The following CDH18 variants were observed in gnomAD, a reference collection of about 807,000 sequenced individuals.
The protein encoded by CDH18 is cadherin 18.
A neutral mutation model predicts 67.9 loss-of-function variants in CDH18; 31 were observed. That is an observed-to-expected ratio of 0.46 (90% CI 0.34 to 0.62). CDH18 has a LOEUF of 0.62. CDH18 is among the 20% of genes least tolerant of loss of function. CDH18 has a pLI of 0.01. For synonymous variants in CDH18, 362 were observed against 347.2 expected (o/e 1.04, Z -0.48); for missense variants, 890 against 975.5 (o/e 0.91, Z 1.17).
At chr5:20,262,897 A>C (rs957145992) in intron 1 of CDH18, among the ~76,000 whole-genome samples, 1 of 151,256 alleles carries the variant, frequency 6.6e-6, no homozygotes, top group African/African-American at 2.4e-5. Flanking sequence ...TTCAACACTT[A>C]ACACAAGCAG....
intron 3 of CDH18, among the ~76,000 whole-genome samples, chr5:19,762,825 A>G (rs1052329923): frequency 6.6e-6 from 1 of 152,212 alleles, no homozygotes; most frequent in Non-Finnish European, 1.5e-5. Context: ...ACTATTCACA[A>G]TAGCAAAGAC....
At chr5:19,510,177 G>C (rs1051316325) in intron 10 of CDH18, among the ~76,000 whole-genome samples, 2 of 152,092 alleles carry the variant, frequency 1.3e-5, no homozygotes, top group African/African-American at 4.8e-5. Flanking sequence ...TGTTTAAATA[G>C]AGTTTCTTAT....
intron 1 of CDH18, among the ~76,000 whole-genome samples, chr5:20,567,535 A>G (rs1276140132): frequency 6.6e-6 from 1 of 152,194 alleles, no homozygotes; most frequent in Non-Finnish European, 1.5e-5. Flanking sequence ...ACAGCTGGAA[A>G]CCAGAAGCAA....
At chr5:20,498,960 T>C (rs1367990035) in intron 1 of CDH18, among the ~76,000 whole-genome samples, 1 of 152,124 alleles carries the variant, frequency 6.6e-6, no homozygotes, top group Non-Finnish European at 1.5e-5. Context: ...GTATTGAGCT[T>C]GTGTTTCCTG....
chr5:20,384,903 C>T (rs1211091059), intron 1 of CDH18, among the ~76,000 whole-genome samples: 4 of 152,022 alleles, frequency 2.6e-5, no homozygotes, highest in Non-Finnish European at 5.9e-5. Flanking sequence ...GTGGTGTGAT[C>T]GCGGCTCGCT....
intron 5 of CDH18, among the ~76,000 whole-genome samples, chr5:19,710,983 C>G (rs573813501): frequency 1.3e-5 from 2 of 152,030 alleles, no homozygotes; most frequent in Admixed American, 6.6e-5. Flanking sequence ...AAAAAACCAA[C>G]AAAAACAAAC....
intron 4 of CDH18, among the ~76,000 whole-genome samples, chr5:19,741,298 T>A (rs1043032897): frequency 3.5e-5 from 5 of 141,706 alleles, no homozygotes; most frequent in Non-Finnish European, 7.6e-5. Context: ...TACATACATA[T>A]ATGTACATAT....
intron 1 of CDH18, among the ~76,000 whole-genome samples, chr5:20,360,991 C>T (rs1742045930): frequency 6.6e-6 from 1 of 151,850 alleles, no homozygotes; most frequent in South Asian, 2.1e-4. Context: ...AATACATTGG[C>T]ACACAATAAA....
At chr5:20,409,556 T>C (rs1746590828) in intron 1 of CDH18, among the ~76,000 whole-genome samples, 1 of 151,676 alleles carries the variant, frequency 6.6e-6, no homozygotes, top group Non-Finnish European at 1.5e-5. Flanking sequence ...AAATACCTAC[T>C]TAATAAAATA....
At chr5:20,527,620 A>G (rs1388381195) in intron 1 of CDH18, among the ~76,000 whole-genome samples, 1 of 152,140 alleles carries the variant, frequency 6.6e-6, no homozygotes, top group Non-Finnish European at 1.5e-5. Flanking sequence ...ATTCTTAAAG[A>G]AAAGAATTTC....
intron 10 of CDH18, among the ~76,000 whole-genome samples, chr5:19,508,865 C>CT (rs35438564): frequency 0.035 from 4,491 of 127,544 alleles, 170 homozygotes; most frequent in African/African-American, 0.094. Context: ...TCTTTCTTTT[C>CT]TTTTTTTTTT....
At chr5:19,508,986 G>T (rs1487267568) in intron 10 of CDH18, among the ~76,000 whole-genome samples, 1 of 150,374 alleles carries the variant, frequency 6.7e-6, no homozygotes, top group East Asian at 2.0e-4. Context: ...TGATTCTCGT[G>T]TCTCAGCCAC....
intron 6 of CDH18, among the ~76,000 whole-genome samples, chr5:19,601,763 GA>G (rs1490783099): frequency 1.3e-5 from 2 of 151,738 alleles, no homozygotes; most frequent in African/African-American, 4.8e-5. Flanking sequence ...GAGCAATTGG[GA>G]TTTTTTTTCC....
At chr5:20,387,724 T>C (rs574762340) in intron 1 of CDH18, among the ~76,000 whole-genome samples, 1 of 152,334 alleles carries the variant, frequency 6.6e-6, no homozygotes, top group South Asian at 2.1e-4. Context: ...TAGCTCTTAT[T>C]ATGCTGAGAT....
At chr5:20,075,402 C>T (rs1743840697) in intron 2 of CDH18, among the ~76,000 whole-genome samples, 1 of 152,030 alleles carries the variant, frequency 6.6e-6, no homozygotes, top group Admixed American at 6.5e-5. Context: ...ACTTGGGAGG[C>T]TGAGACAGGA....
chr5:20,403,356 T>A (rs1353087886), intron 1 of CDH18, among the ~76,000 whole-genome samples: 1 of 152,120 alleles, frequency 6.6e-6, no homozygotes, highest in Non-Finnish European at 1.5e-5. Context: ...TCACTGGAGT[T>A]TGGTGTACAA....
At chr5:20,520,052 G>T (rs923906803) in intron 1 of CDH18, among the ~76,000 whole-genome samples, 1 of 138,146 alleles carries the variant, frequency 7.2e-6, no homozygotes, top group Non-Finnish European at 1.5e-5. Context: ...CTGACCCCTC[G>T]GTCTTCCAAA....
At chr5:19,965,320 A>T (rs985333092) in intron 2 of CDH18, among the ~76,000 whole-genome samples, 4 of 152,206 alleles carry the variant, frequency 2.6e-5, no homozygotes, top group Non-Finnish European at 5.9e-5. Context: ...ATGTAGCCAC[A>T]TATGTAGGAA....
At chr5:19,561,169 T>C (rs1739386217) in intron 8 of CDH18, among the ~76,000 whole-genome samples, 1 of 151,968 alleles carries the variant, frequency 6.6e-6, no homozygotes, top group African/African-American at 2.4e-5. Flanking sequence ...TATCTACCCA[T>C]AGGAAAAGAA....
Sources: gnomAD v4.1 joint callset for allele counts (sites outside exome capture counted in the v4.1 genomes callset) on GRCh38, gnomAD v4.1.1 for gene constraint, MANE v1.5 for transcripts, NCBI Gene and HGNC (gene_info 2026-07-23, HGNC 2026-07-21) for gene names.